PPP1R12B: variants seen among roughly 807,000 people sequenced by gnomAD.
PPP1R12B encodes the protein protein phosphatase 1 regulatory subunit 12B, also known as myosin phosphatase target subunit 2.
PPP1R12B carries 76 observed loss-of-function variants against 126.1 expected under a neutral mutation model. The observed-to-expected ratio is 0.60, with a 90% CI of 0.50 to 0.73. PPP1R12B has a LOEUF of 0.73. Among genes scored for constraint, PPP1R12B ranks in the 30% least tolerant of loss-of-function variants. The pLI is 0.00. For missense variants in PPP1R12B, 1,052 were observed against 1,205.1 expected, an observed-to-expected ratio of 0.87 and a Z score of 1.88; for synonymous variants, 356 against 434.7, an observed-to-expected ratio of 0.82 and a Z score of 2.25.
At chr1:202,424,305 T>A (rs193104495) in intron 3 of PPP1R12B, among the ~76,000 whole-genome samples, 1 of 151,874 alleles carries the variant, frequency 6.6e-6, no homozygotes, top group Admixed American at 6.5e-5. Flanking sequence ...AGATAATACT[T>A]AGGTAGTTGA....
At chr1:202,430,948 G>A in intron 7 of PPP1R12B, 138 bp downstream of exon 7, 22 of 1,305,416 alleles carry the variant, frequency 1.7e-5, no homozygotes, top group South Asian at 1.9e-5. Flanking sequence ...AAACTTGTGG[G>A]AAACTTTGTG....
chr1:202,488,525 C>G lies in PPP1R12B; in HGVS notation c.1851-8C>G, dbSNP rs1453378968. ...CTTGCTTTTGCTATTACTTTTTTTT[C>G]TCTGCAGGTCCTATCTGACTCCTGT... On this transcript the variant is annotated splice_region_variant and splice_polypyrimidine_tract_variant and intron_variant, in intron 13 of 23. Transcript: ENST00000608999. 1 of 1,587,320 alleles carries G rather than the reference C, an allele frequency of 6.3e-7. No homozygotes were observed. The highest frequency in any genetic ancestry group is 2.2e-5 in the East Asian group (1 of 44,610).
intron 1 of PPP1R12B, chr1:202,369,616 G>C (rs6665406): frequency 0.41 from 78,140 of 192,932 alleles, 17,891 homozygotes; most frequent in East Asian, 0.66. Flanking sequence ...TTGTTCCAGG[G>C]ATGTACTTCT....
Position 202,493,317 on chromosome 1 carries a change from G to T in PPP1R12B, c.2145G>T (p.Glu715Asp). Residue 715 changes from glutamate to aspartate, a missense_variant and splice_region_variant, in exon 15 of 24, where the codon GAG becomes GAT. Glu to Asp is a conservative substitution (Grantham distance 45). Coordinates refer to ENST00000608999, the MANE Select transcript of PPP1R12B (RefSeq NM_002481.4). ...CCTGGGGCAGGAGTCTGGATGAAGA[G>T]GTGAGCTCATTTTTGCTGGCATGTA... ...QQPWGRSLDEEPICHRLRCPA... is the reference protein window; with the variant it reads ...QQPWGRSLDEDPICHRLRCPA... 6.2e-7 allele frequency: 1 copy of T among 1,611,422 alleles called. No homozygotes were observed. The highest frequency in any genetic ancestry group is 8.5e-7 in the Non-Finnish European group (1 of 1,179,500).
intron 18 of PPP1R12B, among the ~76,000 whole-genome samples, chr1:202,506,083 G>A (rs1397272546): frequency 2.6e-5 from 4 of 152,150 alleles, no homozygotes; most frequent in South Asian, 2.1e-4. Context: ...ATGACGATGC[G>A]CAGTCCCAGG....
intron 1 of PPP1R12B, among the ~76,000 whole-genome samples, chr1:202,414,815 T>A (rs1667850905): frequency 6.6e-6 from 1 of 152,226 alleles, no homozygotes; most frequent in Non-Finnish European, 1.5e-5. Context: ...CGAGACATGG[T>A]CTTGCCCTGT....
intron 1 of PPP1R12B, among the ~76,000 whole-genome samples, chr1:202,385,725 ACAATAAC>A (rs1663009056): frequency 6.6e-6 from 1 of 152,214 alleles, no homozygotes; most frequent in Admixed American, 6.5e-5. Flanking sequence ...TTTCAATCAT[ACAATAAC>A]TGTCACATTT....
At chr1:202,524,736 A>G (rs904445678) in intron 18 of PPP1R12B, among the ~76,000 whole-genome samples, 8 of 152,122 alleles carry the variant, frequency 5.3e-5, no homozygotes, top group African/African-American at 1.9e-4. Context: ...TGTTGTGTGT[A>G]TATATATACC....
rs1450310744 is a variant in PPP1R12B, at chr1:202,388,383, T to C, written c.292-28404T>C. The stretch of plus-strand genomic sequence containing the variant: ...TAGAGACGAGGCTAATTTTTGTATT[T>C]TTAGTAGAGATGAGGTTTCACCATG... On this transcript the variant is annotated intron_variant, in intron 1 of 23. Transcript: ENST00000608999. Among the ~76,000 whole-genome samples the C allele has an allele frequency of 2.0e-5, 3 of 152,260 alleles. No homozygotes were observed. In the East Asian group the frequency reaches 5.8e-4, roughly 29 times the overall value.
chr1:202,473,865 T>G, intron 13 of PPP1R12B: 1 of 522,202 alleles, frequency 1.9e-6, no homozygotes, highest in South Asian at 1.4e-5. Flanking sequence ...GAGACTGCAG[T>G]CTTTCCCAGC....
In PPP1R12B at chr1:202,588,848, T is replaced by G. The variant is rs569878156; in HGVS notation, c.*8288T>G. On this transcript the variant is annotated 3_prime_UTR_variant, in exon 24 of 24. Transcript: ENST00000608999. ...TAAGATAGATAGATAGATAGATAGA[T>G]AGATAGATAGATAGATAGATAGATA... The G allele has an allele frequency of 6.9e-6, 1 of 144,880 alleles. No homozygotes were observed. Among genetic ancestry groups the G allele is most frequent in the South Asian group, 2.1e-4 (1 of 4,736 alleles). 9.0% of individuals were successfully genotyped at this position (144,880 alleles called of 1,614,324 possible).
At chr1:202,420,228 A>C (rs1489407894) in intron 2 of PPP1R12B, among the ~76,000 whole-genome samples, 2 of 152,018 alleles carry the variant, frequency 1.3e-5, no homozygotes, top group Non-Finnish European at 2.9e-5. Context: ...AGTCTGATGG[A>C]ATGGTTGCAT....
At chr1:202,546,622 G>A (rs1271198025) in intron 18 of PPP1R12B, among the ~76,000 whole-genome samples, 1 of 152,078 alleles carries the variant, frequency 6.6e-6, no homozygotes, top group Middle Eastern at 3.4e-3. Context: ...AAAAAAAATA[G>A]TGTGACAAAA....
intron 1 of PPP1R12B, among the ~76,000 whole-genome samples, chr1:202,381,795 A>G (rs891356017): frequency 2.6e-5 from 4 of 152,170 alleles, no homozygotes; most frequent in African/African-American, 9.7e-5. Context: ...TAACCTTCTC[A>G]TGGACTAGTG....
Position 202,586,651 on chromosome 1 carries a change from CAG to C in PPP1R12B, c.*6093_*6094del, listed in dbSNP as rs1176863664. The C allele has an allele frequency of 6.6e-6, 1 of 152,254 alleles. No homozygotes were observed. The highest frequency in any genetic ancestry group is 1.5e-5 in the Non-Finnish European group (1 of 68,044). 9.4% of individuals were successfully genotyped at this position (152,254 alleles called of 1,614,324 possible). A position where few individuals can be genotyped will look rare whatever the true frequency, so the allele number is the denominator to read the frequency against. Reference sequence around the variant, plus strand: ...GATTTCTGAGGGCTGAGAAAAAACACAGAATCTTGGCCAGCAGCCAGCAGCTG... The same window carrying C: ...GATTTCTGAGGGCTGAGAAAAAACACAATCTTGGCCAGCAGCCAGCAGCTG... On this transcript the variant is annotated 3_prime_UTR_variant, in exon 24 of 24. Transcript: ENST00000608999.
intron 12 of PPP1R12B, among the ~76,000 whole-genome samples, chr1:202,446,394 C>T (rs967743996): frequency 1.4e-5 from 2 of 147,824 alleles, no homozygotes; most frequent in Admixed American, 1.4e-4. Flanking sequence ...GCTGGGACTA[C>T]AGGCGCATGC....
At chr1:202,359,287 C>T (rs1016841872) in intron 1 of PPP1R12B, among the ~76,000 whole-genome samples, 2 of 151,878 alleles carry the variant, frequency 1.3e-5, no homozygotes, top group East Asian at 2.0e-4. Context: ...TGTGCCCCCA[C>T]GCCCGGCTAA....
At chr1:202,579,358 G>A (rs1364344399) in intron 23 of PPP1R12B, among the ~76,000 whole-genome samples, 1 of 152,110 alleles carries the variant, frequency 6.6e-6, no homozygotes, top group Non-Finnish European at 1.5e-5. Context: ...ACCTGCCCCT[G>A]GGGTCCTATA....
intron 1 of PPP1R12B, among the ~76,000 whole-genome samples, chr1:202,362,641 G>A (rs1181937574): frequency 6.9e-6 from 1 of 145,446 alleles, no homozygotes; most frequent in Non-Finnish European, 1.5e-5. Context: ...GACAGAATCA[G>A]CAAGGCCCAG....
Sources: allele counts gnomAD v4.1 joint callset (sites outside exome capture counted in the v4.1 genomes callset), GRCh38; gene constraint gnomAD v4.1.1; transcripts MANE v1.5; gene names NCBI Gene and HGNC (gene_info 2026-07-23, HGNC 2026-07-21).